GAS6: variants seen among roughly 807,000 people sequenced by gnomAD.
GAS6 encodes the protein growth arrest-specific protein 6.
GAS6 carries 41 observed loss-of-function variants against 75.8 expected under a neutral mutation model. The observed-to-expected ratio is 0.54, with a 90% confidence interval of 0.42 to 0.70. GAS6 has a LOEUF of 0.70. Ranked by LOEUF, GAS6 falls within the 30% of genes least tolerant of loss-of-function variation. The pLI is 0.00. For synonymous variants in GAS6, 432 were observed against 412.6 expected (o/e 1.05, Z -0.57); for missense variants, 854 against 940.2 (o/e 0.91, Z 1.20).
chr13:113,820,579 C>T lies in GAS6; in HGVS notation c.*285G>A, dbSNP rs573101062. On this transcript the variant is annotated 3_prime_UTR_variant, in exon 15 of 15. Transcript: ENST00000327773. ...AAGCTTTCTGTAAATATTTTATTTT[C>T]CATATTTTAGAGTCAGAAAGAAGCG... 3 of 425,410 alleles carry T rather than the reference C, an allele frequency of 7.1e-6. No individual in the cohort carries two copies. Among genetic ancestry groups the T allele is most frequent in the South Asian group, 5.7e-5 (1 of 17,470 alleles). The allele number at this position is 425,410 out of a possible 1,614,324, so 26.4% of individuals were successfully genotyped here.
At chr13:113,829,334 C>G (rs532959852) in intron 10 of GAS6, among the ~76,000 whole-genome samples, 2 of 151,428 alleles carry the variant, frequency 1.3e-5, no homozygotes, top group South Asian at 4.2e-4. Flanking sequence ...CTCAGGGAGA[C>G]CACCTGATCC....
chr13:113,831,793 C>T (rs1208080653), intron 10 of GAS6, among the ~76,000 whole-genome samples: 51 of 112,178 alleles, frequency 4.5e-4, no homozygotes, highest in South Asian at 1.8e-3. Flanking sequence ...GGTCCCCGTC[C>T]CCCGGAGCAT....
In GAS6 at chr13:113,853,186, G is replaced by A. The variant is rs867154821; in HGVS notation, c.256-5136C>T. On this transcript the variant is annotated intron_variant, in intron 2 of 14. Transcript: ENST00000327773. ...CAGGAAACACTTTTGGGCCCAAAGT[G>A]CACTGAACTGGAAGCACCTCACGCA... Among the ~76,000 whole-genome samples the A allele has an allele frequency of 6.6e-5, 10 of 152,360 alleles. No homozygotes were observed. The South Asian group carries it at 1.9e-3, about 28-fold the overall frequency.
rs529631288 is a variant in GAS6 at position 113,855,873 on chromosome 13, C to G, written c.255+7702G>C. Reference sequence around the variant, plus strand: ...TTGAGCTGGTCTTCGGCCAGACGACCAAGCTCAGGCCCCAAATTCACCTGG... The same window carrying G: ...TTGAGCTGGTCTTCGGCCAGACGACGAAGCTCAGGCCCCAAATTCACCTGG... On this transcript the variant is annotated intron_variant, in intron 2 of 14. Coordinates refer to ENST00000327773, the MANE Select transcript of GAS6 (RefSeq NM_000820.4). Among the ~76,000 whole-genome samples, 23 of 152,316 alleles carry G rather than the reference C, an allele frequency of 1.5e-4. No individual in the cohort carries two copies. The South Asian group carries it at 4.8e-3, about 32-fold the overall frequency.
chr13:113,858,431 G>A lies in GAS6; in HGVS notation c.255+5144C>T, dbSNP rs1279968492. On this transcript the variant is annotated intron_variant, in intron 2 of 14. Transcript: ENST00000327773. ...TTTACATATGTCTATGTGAATGTGT[G>A]CATGTGTACATGTCTGCTAGTATGT... Among the ~76,000 whole-genome samples, 3 of 152,164 alleles carry A rather than the reference G, an allele frequency of 2.0e-5. No homozygotes were observed. In the East Asian group the frequency reaches 5.8e-4, roughly 29 times the overall value.
intron 2 of GAS6, among the ~76,000 whole-genome samples, chr13:113,862,282 G>A (rs1474081395): frequency 1.3e-5 from 2 of 152,122 alleles, no homozygotes; most frequent in African/African-American, 4.8e-5. Flanking sequence ...TGACCCTGCT[G>A]CCCTCAACTC....
At chr13:113,856,896 G>A (rs1002881376) in intron 2 of GAS6, among the ~76,000 whole-genome samples, 1 of 152,192 alleles carries the variant, frequency 6.6e-6, no homozygotes, top group Non-Finnish European at 1.5e-5. Context: ...CTCAGAGAGT[G>A]GCCTTACTGT....
At chr13:113,821,281 G>C (rs2051454427) in intron 14 of GAS6, 2 of 527,308 alleles carry the variant, frequency 3.8e-6, no homozygotes, top group South Asian at 4.8e-5. Context: ...GGTTAAACGT[G>C]ATCTTCTTCT....
chr13:113,821,753 TCA>T (rs2051461920), intron 14 of GAS6: 1 of 539,466 alleles, frequency 1.9e-6, no homozygotes, highest in Admixed American at 3.5e-5. Context: ...TACGTGTTTC[TCA>T]GTCTCAGCCA....
At chr13:113,849,258 G>A (rs983436933) in intron 2 of GAS6, among the ~76,000 whole-genome samples, 2 of 152,076 alleles carry the variant, frequency 1.3e-5, no homozygotes, top group Non-Finnish European at 2.9e-5. Context: ...TTGGGAGGGC[G>A]GCCGCCCTGA....
At chr13:113,827,563 G>A (rs562702094) in intron 11 of GAS6, among the ~76,000 whole-genome samples, 8 of 149,822 alleles carry the variant, frequency 5.3e-5, no homozygotes, top group South Asian at 4.2e-4. Context: ...GCAAAGTCCC[G>A]GCACCAGGCT....
At chr13:113,860,152 CAG>C (rs2051958990) in intron 2 of GAS6, among the ~76,000 whole-genome samples, 1 of 152,180 alleles carries the variant, frequency 6.6e-6, no homozygotes, top group African/African-American at 2.4e-5. Flanking sequence ...GAGAGAAACA[CAG>C]AGGGAGACAA....
chr13:113,836,108 T>C (rs1408907561), intron 6 of GAS6: 1 of 967,190 alleles, frequency 1.0e-6, no homozygotes, highest in Non-Finnish European at 1.2e-6. Flanking sequence ...CAGATGCTGT[T>C]TACGGCCAAG....
In GAS6 at chr13:113,838,130, A is replaced by G. The variant is rs761832783; in HGVS notation, c.528T>C (p.Gly176=). The part of the protein sequence containing the change: ...GCLQICHNKP[G]SFHCSCHSGF... The stretch of plus-strand genomic sequence containing the variant: ...CGCTGTGGCAGGAACAGTGGAAGCT[A>G]CCCGGCTTGTTGTGGCAGATCTGGA... The change falls in exon 6 of 15, where the codon GGT becomes GGC. Residue 176 remains glycine, a synonymous_variant. Coordinates refer to ENST00000327773, the MANE Select transcript of GAS6 (RefSeq NM_000820.4). 6.2e-7 allele frequency: 1 copy of G among 1,612,720 alleles called. No individual in the cohort carries two copies. The highest frequency in any genetic ancestry group is 1.3e-5 in the African/African-American group (1 of 74,914).
At chr13:113,855,523 C>T (rs1050460053) in intron 2 of GAS6, among the ~76,000 whole-genome samples, 2 of 152,228 alleles carry the variant, frequency 1.3e-5, no homozygotes, top group African/African-American at 4.8e-5. Context: ...CTCCATGGGA[C>T]GCTGGACAGC....
rs143247444 is a variant in GAS6, at chr13:113,826,855, C to A, written c.1477+141G>T. ...GCCTCTGCCCGCACCTCCGCCCACCCCGCCCACCCATCCCTGCCCCGGAAC... is the reference window on the plus strand; with the variant it reads ...GCCTCTGCCCGCACCTCCGCCCACCACGCCCACCCATCCCTGCCCCGGAAC... On this transcript the variant is annotated intron_variant, in intron 12 of 14. Transcript: ENST00000327773. The A allele has an allele frequency of 1.3e-4, 21 of 155,952 alleles. 4 individuals are homozygous for A. In the South Asian group the frequency reaches 1.9e-3, roughly 14 times the overall value. 9.7% of individuals were successfully genotyped at this position (155,952 alleles called of 1,614,324 possible). A position where few individuals can be genotyped will look rare whatever the true frequency, so the allele number is the denominator to read the frequency against.
intron 2 of GAS6, among the ~76,000 whole-genome samples, chr13:113,849,755 C>T (rs907062335): frequency 2.0e-5 from 3 of 152,186 alleles, no homozygotes; most frequent in African/African-American, 7.2e-5. Flanking sequence ...CCTGTCAGTT[C>T]GCCACACCTA....
chr13:113,823,287 C>T (rs944503418), intron 13 of GAS6, 88 bp downstream of exon 13: 41 of 1,386,290 alleles, frequency 3.0e-5, no homozygotes, highest in East Asian at 7.1e-5. Context: ...GATCCCACCG[C>T]GGGCCCCCTT....
chr13:113,827,811 A>G (rs781100224), intron 11 of GAS6, among the ~76,000 whole-genome samples: 70 of 152,318 alleles, frequency 4.6e-4, no homozygotes, highest in Non-Finnish European at 7.2e-4. Context: ...CTGGAGACAC[A>G]GGTCGGGGGC....
Sources: gnomAD v4.1 joint callset for allele counts (sites outside exome capture counted in the v4.1 genomes callset) on GRCh38, gnomAD v4.1.1 for gene constraint, MANE v1.5 for transcripts, NCBI Gene and HGNC (gene_info 2026-07-23, HGNC 2026-07-21) for gene names.